Variants in FAM163A observed in about 807,000 individuals in gnomAD.
FAM163A encodes family with sequence similarity 163 member A.
In FAM163A, 7 loss-of-function variants were observed where a neutral mutation model predicts 12.0. That is an observed-to-expected ratio of 0.58 (90% CI 0.33 to 1.10). The LOEUF (loss-of-function observed/expected upper bound fraction) is 1.10, where lower values mean the gene tolerates loss of function less well. Ranked by LOEUF, FAM163A falls within the 50% of genes least tolerant of loss-of-function variation. The probability of loss-of-function intolerance (pLI) is 0.03; values close to 1 mark genes in which losing one functional copy is unlikely to be tolerated. For missense variants in FAM163A, 202 were observed against 218.6 expected, an observed-to-expected ratio of 0.92 and a Z score of 0.48; for synonymous variants, 101 against 91.0, an observed-to-expected ratio of 1.11 and a Z score of -0.62.
intron 1 of FAM163A, among the ~76,000 whole-genome samples, chr1:179,771,181 A>G (rs561999475): frequency 1.2e-3 from 182 of 152,222 alleles, no homozygotes; most frequent in African/African-American, 4.2e-3. Context: ...CCCATTGTCA[A>G]GGGAGCTGCC....
intron 1 of FAM163A, among the ~76,000 whole-genome samples, chr1:179,802,019 G>T (rs1253602187): frequency 6.6e-6 from 1 of 152,200 alleles, no homozygotes; most frequent in Admixed American, 6.5e-5. Flanking sequence ...ATCCTGGAAG[G>T]CTCCCTGGGG....
At chr1:179,747,669 C>T (rs1684683951) in intron 1 of FAM163A, among the ~76,000 whole-genome samples, 2 of 152,226 alleles carry the variant, frequency 1.3e-5, no homozygotes. Flanking sequence ...CTGACTTTTC[C>T]ATTCTCTACG....
chr1:179,771,592 C>T (rs1448354363), intron 1 of FAM163A, among the ~76,000 whole-genome samples: 1 of 152,116 alleles, frequency 6.6e-6, no homozygotes, highest in African/African-American at 2.4e-5. Context: ...CTTCCGTCTA[C>T]ACCTGTGCTT....
At chr1:179,764,986 C>T (rs944787066) in intron 1 of FAM163A, among the ~76,000 whole-genome samples, 1 of 152,214 alleles carries the variant, frequency 6.6e-6, no homozygotes, top group Admixed American at 6.5e-5. Context: ...TCAGCATCTG[C>T]CTGTTGATGA....
chr1:179,782,649 C>T (rs1244968590), intron 1 of FAM163A, among the ~76,000 whole-genome samples: 1 of 152,160 alleles, frequency 6.6e-6, no homozygotes, highest in Non-Finnish European at 1.5e-5. Context: ...TTCTAGAACC[C>T]AAAGTTCTAA....
chr1:179,777,114 C>T (rs1343928398), intron 1 of FAM163A, among the ~76,000 whole-genome samples: 1 of 152,152 alleles, frequency 6.6e-6, no homozygotes, highest in Admixed American at 6.5e-5. Flanking sequence ...TTGATCCATT[C>T]CTCCATCCAT....
rs74345161 is a variant in FAM163A, at chr1:179,787,550, G to A, written c.-135-20248G>A. Reference sequence around the variant, plus strand: ...TCTACAGCACCTGCTCCACAGGCAGGGGTGAAATCAGGAAACACTTCACAG... The same window carrying A: ...TCTACAGCACCTGCTCCACAGGCAGAGGTGAAATCAGGAAACACTTCACAG... On this transcript the variant is annotated intron_variant, in intron 1 of 4. Coordinates refer to ENST00000341785, the MANE Select transcript of FAM163A (RefSeq NM_173509.3). Among the ~76,000 whole-genome samples the A allele has an allele frequency of 8.8e-3, 1,337 of 152,290 alleles. 18 individuals are homozygous for A. The highest frequency in any genetic ancestry group is 0.031 in the African/African-American group (1,272 of 41,546).
chr1:179,795,009 C>A (rs1692072637), intron 1 of FAM163A, among the ~76,000 whole-genome samples: 1 of 152,158 alleles, frequency 6.6e-6, no homozygotes, highest in Non-Finnish European at 1.5e-5. Context: ...ACCACCACCA[C>A]CTGCCAGCAG....
At chr1:179,792,283 T>TTGTGTGTG (rs3075152) in intron 1 of FAM163A, among the ~76,000 whole-genome samples, 1,946 of 133,632 alleles carry the variant, frequency 0.015, 23 homozygotes, top group East Asian at 0.034. Context: ...CCATATCTGA[T>TTGTGTGTG]TGTGTGTGTG....
chr1:179,806,467 T>C lies in FAM163A; in HGVS notation c.-135-1331T>C, dbSNP rs1693953294. On this transcript the variant is annotated intron_variant, in intron 1 of 4. Transcript: ENST00000341785. ...CAGGGCTGTTCTGTCACGCAGTCAC[T>C]CTGCCTCCTTCTCAGCTTTCCCCAG... Among the ~76,000 whole-genome samples the C allele has an allele frequency of 3.3e-5, 5 of 152,182 alleles. No individual in the cohort carries two copies. In the South Asian group the frequency reaches 1.0e-3, roughly 32 times the overall value.
chr1:179,770,206 C>T (rs1219034158), intron 1 of FAM163A, among the ~76,000 whole-genome samples: 4 of 152,038 alleles, frequency 2.6e-5, no homozygotes, highest in Non-Finnish European at 5.9e-5. Flanking sequence ...CGCCTGGCCT[C>T]TTTCATCCCT....
the FAM163A span, among the ~76,000 whole-genome samples, chr1:179,728,314 C>T: frequency 3.3e-5 from 5 of 152,126 alleles, no homozygotes; most frequent in African/African-American, 1.2e-4. Flanking sequence ...TCTTTGGCCA[C>T]TACAGATAAA....
chr1:179,807,711 GGGTCACAA>G (rs1694151667), intron 1 of FAM163A, 79 bp from the exon 2 acceptor site: 2 of 152,356 alleles, frequency 1.3e-5, no homozygotes, highest in African/African-American at 2.4e-5. Flanking sequence ...CTAGAAGCTG[GGGTCACAA>G]CTGGGGGCCA....
intron 3 of FAM163A, among the ~76,000 whole-genome samples, chr1:179,812,873 C>T (rs1186297048): frequency 6.6e-6 from 1 of 152,202 alleles, no homozygotes; most frequent in Non-Finnish European, 1.5e-5. Flanking sequence ...AAACTGGGTA[C>T]TCAACTTCGC....
rs1296104879 is a variant in FAM163A at position 179,747,530 on chromosome 1, A to T, written c.-136+4107A>T. Reference sequence around the variant, plus strand: ...CAACACCATTAGGTGGAAAGCCTTCATTGAGAGCTTTCTATGTTTCAGTCA... The same window carrying T: ...CAACACCATTAGGTGGAAAGCCTTCTTTGAGAGCTTTCTATGTTTCAGTCA... On this transcript the variant is annotated intron_variant, in intron 1 of 4. Transcript: ENST00000341785. Among the ~76,000 whole-genome samples the T allele has an allele frequency of 5.9e-5, 9 of 152,338 alleles. No individual in the cohort carries two copies. In the East Asian group the frequency reaches 1.7e-3, roughly 29 times the overall value.
chr1:179,772,795 T>C (rs1299220950), intron 1 of FAM163A, among the ~76,000 whole-genome samples: 1 of 151,944 alleles, frequency 6.6e-6, no homozygotes, highest in East Asian at 1.9e-4. Context: ...CCTAGCTTTC[T>C]GTTTCAACTC....
intron 1 of FAM163A, among the ~76,000 whole-genome samples, chr1:179,798,803 G>C (rs1692751028): frequency 6.6e-6 from 1 of 152,162 alleles, no homozygotes; most frequent in African/African-American, 2.4e-5. Flanking sequence ...AAATCTCCCT[G>C]TTGCACTTGT....
chr1:179,736,579 G>C, the FAM163A span, among the ~76,000 whole-genome samples: 1 of 152,140 alleles, frequency 6.6e-6, no homozygotes, highest in Non-Finnish European at 1.5e-5. Flanking sequence ...GAAGGCCAAG[G>C]CGGGTGGATC....
In FAM163A at chr1:179,813,184, G is replaced by T. The variant is rs145132659; in HGVS notation, c.87G>T (p.Arg29Ser). ...TCATTGCCGTCCTGTGCTACTGCAG[G>T]CTCCAGGTCAGTCCCCGGGACCCGT... ...LCIIAVLCYC[R>S]LQYYCCKKSG... is the part of the protein sequence containing the mutation. Residue 29 changes from arginine (R) to serine (S), a missense_variant, in exon 4 of 5, where the codon AGG becomes AGT. Physicochemically the swap from Arg to Ser is moderately radical, Grantham distance 110. Coordinates refer to ENST00000341785, the MANE Select transcript of FAM163A (RefSeq NM_173509.3). The T allele has an allele frequency of 6.4e-7, 1 of 1,551,730 alleles. No homozygotes were observed. Among genetic ancestry groups the T allele is most frequent in the Non-Finnish European group, 8.7e-7 (1 of 1,146,962 alleles).
Sources: gnomAD v4.1 joint callset for allele counts (sites outside exome capture counted in the v4.1 genomes callset) on GRCh38, gnomAD v4.1.1 for gene constraint, MANE v1.5 for transcripts, NCBI Gene and HGNC (gene_info 2026-07-23, HGNC 2026-07-21) for gene names.